Variants in MDGA2 observed in about 807,000 individuals in gnomAD.
MDGA2 encodes the protein MAM domain containing glycosylphosphatidylinositol anchor 2, also known as MAM domain-containing glycosylphosphatidylinositol anchor protein 2.
Under a neutral mutation model 117.8 loss-of-function variants are expected in MDGA2, and 40 were observed. That is an observed-to-expected ratio of 0.34 (90% confidence interval 0.26 to 0.44). The LOEUF (loss-of-function observed/expected upper bound fraction) is 0.44. Ranked by LOEUF, MDGA2 falls within the 20% of genes least tolerant of loss-of-function variation. The pLI, the probability that MDGA2 is intolerant of heterozygous loss-of-function variation, is 1.00. For synonymous variants in MDGA2, 452 were observed against 439.0 expected, an observed-to-expected ratio of 1.03 and a Z score of -0.37; for missense variants, 1,123 against 1,250.6, an observed-to-expected ratio of 0.90 and a Z score of 1.54.
intron 1 of MDGA2, among the ~76,000 whole-genome samples, chr14:47,498,881 T>A (rs1894338660): frequency 6.6e-6 from 1 of 152,154 alleles, no homozygotes; most frequent in South Asian, 2.1e-4. Context: ...CCGAAAACTT[T>A]TTATAAAAGC....
At chr14:47,080,521 G>T (rs1002299507) in intron 6 of MDGA2, among the ~76,000 whole-genome samples, 6 of 152,112 alleles carry the variant, frequency 3.9e-5, no homozygotes, top group African/African-American at 1.4e-4. Context: ...GCTCAGTGAT[G>T]CTTTGTGCAT....
chr14:47,079,016 C>A (rs75068676), intron 6 of MDGA2, among the ~76,000 whole-genome samples: 2,620 of 150,642 alleles, frequency 0.017, 63 homozygotes, highest in African/African-American at 0.061. Flanking sequence ...TTTTTAGATT[C>A]CACATGTAAG....
intron 3 of MDGA2, among the ~76,000 whole-genome samples, chr14:47,165,547 G>C (rs891091351): frequency 6.6e-6 from 1 of 152,098 alleles, no homozygotes; most frequent in East Asian, 1.9e-4. Flanking sequence ...AAGGGATAAA[G>C]GTACCCCATC....
rs564376284 is a variant in MDGA2 at position 47,402,923 on chromosome 14, C to G, written c.281-101373G>C. ...CCCTCCTCACCTATCTGTGAATTCTCCACCTTTTCATCTCTTCAGGCATTT... is the reference window on the plus strand; with the variant it reads ...CCCTCCTCACCTATCTGTGAATTCTGCACCTTTTCATCTCTTCAGGCATTT... On this transcript the variant is annotated intron_variant, in intron 1 of 16. Coordinates refer to ENST00000399232, the MANE Select transcript of MDGA2 (RefSeq NM_001113498.3). 1.1e-4 allele frequency among the ~76,000 whole-genome samples: 16 copies of G among 152,268 alleles called. No homozygotes were observed. In the East Asian group the frequency reaches 2.9e-3, roughly 28 times the overall value.
chr14:47,095,348 A>G (rs1428031045), intron 6 of MDGA2, among the ~76,000 whole-genome samples: 2 of 152,004 alleles, frequency 1.3e-5, no homozygotes, highest in East Asian at 3.9e-4. Flanking sequence ...TTAATGACAC[A>G]AGAACAATAT....
chr14:47,561,158 G>GGTTTTTT (rs1566515949), intron 1 of MDGA2, among the ~76,000 whole-genome samples: 22 of 55,090 alleles, frequency 4.0e-4, no homozygotes, highest in East Asian at 1.3e-3. Context: ...TTTTTGTTTT[G>GGTTTTTT]TTTTGTTTTT....
At chr14:47,468,205 A>G (rs915188110) in intron 1 of MDGA2, among the ~76,000 whole-genome samples, 5 of 152,070 alleles carry the variant, frequency 3.3e-5, no homozygotes, top group South Asian at 2.1e-4. Flanking sequence ...CCTCAAACCA[A>G]CTTCGTGAGC....
chr14:47,280,105 G>A (rs556260334), intron 2 of MDGA2, among the ~76,000 whole-genome samples: 1 of 151,720 alleles, frequency 6.6e-6, no homozygotes, highest in African/African-American at 2.4e-5. Context: ...ACCTGAGGTA[G>A]AGAATTCAAG....
chr14:47,188,018 T>C (rs368524905), intron 3 of MDGA2, among the ~76,000 whole-genome samples: 1 of 152,024 alleles, frequency 6.6e-6, no homozygotes, highest in South Asian at 2.1e-4. Context: ...AATGTAAAAA[T>C]AGTCTAAAGG....
intron 14 of MDGA2, chr14:46,873,206 G>A (rs1363006485): frequency 2.4e-6 from 1 of 417,046 alleles, no homozygotes. Flanking sequence ...CCTGATTTAG[G>A]ATTCCAAAGG....
At chr14:47,052,318 A>C (rs537971364) in intron 7 of MDGA2, among the ~76,000 whole-genome samples, 1 of 152,028 alleles carries the variant, frequency 6.6e-6, no homozygotes, top group African/African-American at 2.4e-5. Flanking sequence ...AATTTGAAAA[A>C]GTATTTAATA....
intron 8 of MDGA2, among the ~76,000 whole-genome samples, chr14:47,012,613 A>G (rs1283361667): frequency 1.3e-5 from 2 of 152,170 alleles, no homozygotes; most frequent in Non-Finnish European, 2.9e-5. Flanking sequence ...AGCACTTACT[A>G]TAGTGTTTAG....
chr14:47,448,178 T>C (rs1893166248), intron 1 of MDGA2, among the ~76,000 whole-genome samples: 1 of 152,022 alleles, frequency 6.6e-6, no homozygotes, highest in African/African-American at 2.4e-5. Flanking sequence ...TCAGACTGGG[T>C]GTTGCTCTGT....
At chr14:47,516,119 T>C (rs1030499978) in intron 1 of MDGA2, among the ~76,000 whole-genome samples, 2 of 152,166 alleles carry the variant, frequency 1.3e-5, no homozygotes, top group Admixed American at 1.3e-4. Context: ...TTTCTGGAAA[T>C]AAGACCTGAC....
At chr14:47,416,353 T>C (rs1369701616) in intron 1 of MDGA2, among the ~76,000 whole-genome samples, 2 of 152,140 alleles carry the variant, frequency 1.3e-5, no homozygotes, top group African/African-American at 4.8e-5. Context: ...TCCAAAACCT[T>C]AATTTTCAAG....
intron 1 of MDGA2, among the ~76,000 whole-genome samples, chr14:47,582,690 C>T (rs1896251033): frequency 6.6e-6 from 1 of 151,850 alleles, no homozygotes; most frequent in African/African-American, 2.4e-5. Flanking sequence ...TGTATCGATG[C>T]TAGGCTTGTG....
At chr14:47,081,118 A>C (rs1031538298) in intron 6 of MDGA2, among the ~76,000 whole-genome samples, 1 of 152,120 alleles carries the variant, frequency 6.6e-6, no homozygotes. Context: ...ATTGTTGACA[A>C]CACCTTCATT....
At chr14:47,530,099 A>G (rs1895063895) in intron 1 of MDGA2, among the ~76,000 whole-genome samples, 1 of 152,202 alleles carries the variant, frequency 6.6e-6, no homozygotes, top group Non-Finnish European at 1.5e-5. Flanking sequence ...GAGGTTTCAC[A>G]TCACCAAGAT....
intron 14 of MDGA2, among the ~76,000 whole-genome samples, chr14:46,858,871 T>C (rs967634827): frequency 1.3e-5 from 2 of 152,196 alleles, no homozygotes; most frequent in Admixed American, 6.5e-5. Flanking sequence ...CAGTGAGTAA[T>C]GGGCATTGTA....
Sources: gnomAD v4.1 joint callset for allele counts (sites outside exome capture counted in the v4.1 genomes callset) on GRCh38, gnomAD v4.1.1 for gene constraint, MANE v1.5 for transcripts, NCBI Gene and HGNC (gene_info 2026-07-23, HGNC 2026-07-21) for gene names.